The following TK2 variants were observed in gnomAD, a reference collection of about 807,000 sequenced individuals.
TK2 encodes thymidine kinase 2, mitochondrial.
TK2 carries 35 observed loss-of-function variants against 41.9 expected under a neutral mutation model. The observed-to-expected ratio is 0.84, with a 90% CI of 0.64 to 1.11. The LOEUF (loss-of-function observed/expected upper bound fraction) is 1.11, where lower values mean the gene tolerates loss of function less well. Ranked by LOEUF, TK2 falls within the 50% of genes least tolerant of loss-of-function variation. The probability of loss-of-function intolerance (pLI) is 0.00; values close to 1 mark genes in which losing one functional copy is unlikely to be tolerated. For synonymous variants in TK2, 128 were observed against 129.1 expected (o/e 0.99, Z 0.06); for missense variants, 320 against 351.1 (o/e 0.91, Z 0.71).
intron 8 of TK2, among the ~76,000 whole-genome samples, chr16:66,516,889 C>T (rs772362177): frequency 1.8e-4 from 28 of 151,864 alleles, no homozygotes; most frequent in Non-Finnish European, 3.8e-4. Flanking sequence ...GGGAGGGGAA[C>T]GCCTCCAAGC....
chr16:66,539,938 C>G (rs899330388), intron 3 of TK2, among the ~76,000 whole-genome samples: 2 of 152,122 alleles, frequency 1.3e-5, no homozygotes, highest in Admixed American at 1.3e-4. Flanking sequence ...ACAATTTAAG[C>G]AGAGAGCCAC....
At chr16:66,549,703 T>G in intron 1 of TK2, 1 of 1,259,464 alleles carries the variant, frequency 7.9e-7, no homozygotes, top group Non-Finnish European at 9.9e-7. Context: ...GTGTCCGTCC[T>G]GCTCTTTAAA....
chr16:66,549,876 A>T (rs1265185407), intron 1 of TK2, 62 bp downstream of exon 1: 6 of 1,290,640 alleles, frequency 4.6e-6, no homozygotes, highest in Non-Finnish European at 5.8e-6. Context: ...CCGGAAGCCG[A>T]GGGGCCGGGA....
At chr16:66,544,328 C>G (rs1965542019) in intron 2 of TK2, among the ~76,000 whole-genome samples, 1 of 152,126 alleles carries the variant, frequency 6.6e-6, no homozygotes, top group African/African-American at 2.4e-5. Context: ...GAAGTGCATG[C>G]CCATTGAAGA....
intron 5 of TK2, among the ~76,000 whole-genome samples, 161 bp from the exon 6 acceptor site, chr16:66,529,228 G>A (rs749576290): frequency 5.3e-5 from 8 of 152,162 alleles, no homozygotes; most frequent in South Asian, 2.1e-4. Context: ...CTCCCCTGCC[G>A]GGAGGAGAAG....
chr16:66,522,664 C>G (rs947585196), intron 6 of TK2, among the ~76,000 whole-genome samples: 5 of 152,096 alleles, frequency 3.3e-5, no homozygotes, highest in African/African-American at 7.2e-5. Flanking sequence ...GTCGGGAGTT[C>G]GAGACTAGCC....
chr16:66,533,234 T>C (rs578035949), intron 4 of TK2, among the ~76,000 whole-genome samples: 1 of 146,520 alleles, frequency 6.8e-6, no homozygotes, highest in African/African-American at 2.5e-5. Flanking sequence ...CACACCCAGC[T>C]AAATTTTTTT....
chr16:66,514,663 G>C lies in TK2; in HGVS notation c.619-852C>G, dbSNP rs550095015. On this transcript the variant is annotated intron_variant, in intron 8 of 9. Coordinates refer to ENST00000544898, the MANE Select transcript of TK2 (RefSeq NM_004614.5). This position sits in a 1 kb window ranked among gnomAD's most constrained non-coding sequence, Gnocchi z 4.2. ...CCTCTGCCCGGCCACCACCCCGTCT[G>C]GGAGGTGTACCCAATAGCTCATTGA... Among the ~76,000 whole-genome samples, 2 of 151,820 alleles carry C rather than the reference G, an allele frequency of 1.3e-5. No homozygotes were observed. The highest frequency in any genetic ancestry group is 3.9e-4 in the East Asian group (2 of 5,162).
chr16:66,549,387 G>A (rs1245361478), intron 1 of TK2: 2 of 1,122,562 alleles, frequency 1.8e-6, no homozygotes, highest in African/African-American at 1.6e-5. Context: ...CTGGGACCCA[G>A]GTGTTCCTCT....
chr16:66,517,303 T>G lies in TK2; in HGVS notation c.539-88A>C. The G allele has an allele frequency of 8.9e-7, 1 of 1,125,266 alleles. No individual in the cohort carries two copies. Among genetic ancestry groups the G allele is most frequent in the Non-Finnish European group, 1.4e-6 (1 of 735,242 alleles). 69.7% of individuals were successfully genotyped at this position (1,125,266 alleles called of 1,614,324 possible). On this transcript the variant is annotated intron_variant, in intron 7 of 9. Transcript: ENST00000544898. This position sits in a 1 kb window ranked among gnomAD's most constrained non-coding sequence, Gnocchi z 4.3. The stretch of plus-strand genomic sequence containing the variant: ...CACAGGCAAAGGCGGGAGGAAGGTC[T>G]GCACAGCTCGAGCAGGAAGCAGGGA...
At chr16:66,548,588 A>G in intron 2 of TK2, 1 of 250,750 alleles carries the variant, frequency 4.0e-6, no homozygotes, top group Non-Finnish European at 7.9e-6. Context: ...CCCACCCACC[A>G]GTCTCAACAC....
In TK2 at chr16:66,513,769, T is replaced by C; in HGVS notation, c.661A>G (p.Ile221Val). Reference sequence around the variant, plus strand: ...GCCATGGGGAAAAGGCTGCCTTTGATGAGCCACTCCTCATGGAGATGGTGA... The same window carrying C: ...GCCATGGGGAAAAGGCTGCCTTTGACGAGCCACTCCTCATGGAGATGGTGA... ...AIHHLHEEWLIKGSLFPMAAP... is the reference protein window; with the variant it reads ...AIHHLHEEWLVKGSLFPMAAP... Residue 221 changes from isoleucine (I) to valine (V), a missense_variant, in exon 9 of 10, where the codon ATC becomes GTC. Ile to Val is a conservative substitution (Grantham distance 29). Coordinates refer to ENST00000544898, the MANE Select transcript of TK2 (RefSeq NM_004614.5). 2 of 1,614,092 alleles carry C rather than the reference T, an allele frequency of 1.2e-6. No homozygotes were observed. The highest frequency in any genetic ancestry group is 1.7e-6 in the Non-Finnish European group (2 of 1,180,032).
At chr16:66,549,862 G>A in intron 1 of TK2, 76 bp downstream of exon 1, 1 of 1,288,070 alleles carries the variant, frequency 7.8e-7, no homozygotes, top group Non-Finnish European at 9.8e-7. Context: ...GGCTCGGGCG[G>A]GTTCCGGAAG....
chr16:66,517,397 C>T lies in TK2; in HGVS notation c.539-182G>A, dbSNP rs920847417. The stretch of plus-strand genomic sequence containing the variant: ...CATTCTCTTTCAGTGTCAGCGGCCC[C>T]GTGGGGTCGTTTTGAGGCTGAATGG... On this transcript the variant is annotated intron_variant, in intron 7 of 9. Transcript: ENST00000544898. The surrounding 1 kb of genome is among the most constrained non-coding windows in gnomAD (Gnocchi z 4.3). 14 of 686,220 alleles carry T rather than the reference C, an allele frequency of 2.0e-5. No individual in the cohort carries two copies. Among genetic ancestry groups the T allele is most frequent in the African/African-American group, 1.2e-4 (7 of 56,518 alleles). The allele number at this position is 686,220 out of a possible 1,614,324, so 42.5% of individuals were successfully genotyped here. A position where few individuals can be genotyped will look rare whatever the true frequency, so the allele number is the denominator to read the frequency against.
At chr16:66,523,168 C>T (rs1445283755) in intron 6 of TK2, among the ~76,000 whole-genome samples, 2 of 152,162 alleles carry the variant, frequency 1.3e-5, no homozygotes, top group African/African-American at 4.8e-5. Context: ...TCTGTCTAGG[C>T]CCCCACAGAT....
Position 66,511,448 on chromosome 16 carries a change from C to G in TK2, c.*520G>C. 4.3e-6 allele frequency: 1 copy of G among 231,364 alleles called. No homozygotes were observed. The highest frequency in any genetic ancestry group is 8.7e-6 in the Non-Finnish European group (1 of 115,490). 14.3% of individuals were successfully genotyped at this position (231,364 alleles called of 1,614,324 possible). ...AGGCAGGGCGGTGGGGAACAGCTCT[C>G]AGGAGGAGGCAGCCCAGGGCAAGGG... On this transcript the variant is annotated 3_prime_UTR_variant, in exon 10 of 10. Transcript: ENST00000544898.
At chr16:66,529,676 G>T (rs925998483) in intron 5 of TK2, among the ~76,000 whole-genome samples, 9 of 152,182 alleles carry the variant, frequency 5.9e-5, no homozygotes, top group Admixed American at 1.3e-4. Flanking sequence ...GGAAGCAAGA[G>T]GCGCCCTGAC....
chr16:66,525,396 G>A (rs923081750), intron 6 of TK2, among the ~76,000 whole-genome samples: 1 of 152,196 alleles, frequency 6.6e-6, no homozygotes, highest in Non-Finnish European at 1.5e-5. Flanking sequence ...ATATTATGGA[G>A]GAAAATGCAA....
chr16:66,541,972 AT>A lies in TK2; in HGVS notation c.157-20del, dbSNP rs767595877. 3 of 1,613,754 alleles carry A rather than the reference AT, an allele frequency of 1.9e-6. No individual in the cohort carries two copies. In the East Asian group the frequency reaches 6.7e-5, roughly 36 times the overall value. On this transcript the variant is annotated intron_variant, in intron 2 of 9. Coordinates refer to ENST00000544898, the MANE Select transcript of TK2 (RefSeq NM_004614.5). ...CACAGATCTGGCAAAAGACGAATGC[AT>A]ATTAGAGCCAGAACTCAAGCACCCA...
Sources: allele counts gnomAD v4.1 joint callset (sites outside exome capture counted in the v4.1 genomes callset), GRCh38; gene constraint gnomAD v4.1.1; non-coding constraint Gnocchi (gnomAD v3.1); transcripts MANE v1.5; gene names NCBI Gene and HGNC (gene_info 2026-07-23, HGNC 2026-07-21).